The following PDE4D variants were observed in gnomAD, a reference collection of about 807,000 sequenced individuals.
The protein encoded by PDE4D is 3',5'-cyclic-AMP phosphodiesterase 4D.
PDE4D carries 24 observed loss-of-function variants against 87.4 expected under a neutral mutation model. The observed-to-expected ratio is 0.27, with a 90% CI of 0.20 to 0.39. The LOEUF (loss-of-function observed/expected upper bound fraction) is 0.39, where lower values mean the gene tolerates loss of function less well. PDE4D is among the 10% of genes least tolerant of loss of function. PDE4D has a pLI of 1.00. For missense variants in PDE4D, 714 were observed against 1,041.0 expected (o/e 0.69, Z 4.32); for synonymous variants, 384 against 383.2 (o/e 1.00, Z -0.02).
At chr5:60,475,501 G>A (rs773084900) in intron 1 of PDE4D, among the ~76,000 whole-genome samples, 5 of 152,078 alleles carry the variant, frequency 3.3e-5, no homozygotes, top group African/African-American at 4.8e-5. Context: ...ATCCTATGAC[G>A]AAAATGGCTT....
chr5:60,216,179 T>C (rs991863146), intron 1 of PDE4D, among the ~76,000 whole-genome samples: 7 of 152,118 alleles, frequency 4.6e-5, no homozygotes, highest in Non-Finnish European at 1.0e-4. Context: ...ACCTTTGGCC[T>C]TAAAACCCCA....
intron 1 of PDE4D, among the ~76,000 whole-genome samples, chr5:59,680,743 A>G (rs1018658850): frequency 6.6e-6 from 1 of 152,072 alleles, no homozygotes; most frequent in African/African-American, 2.4e-5. Flanking sequence ...AATTTTTGAA[A>G]CCACATTCCA....
At chr5:59,134,972 A>G (rs1479901471) in intron 5 of PDE4D, among the ~76,000 whole-genome samples, 1 of 152,220 alleles carries the variant, frequency 6.6e-6, no homozygotes, top group Non-Finnish European at 1.5e-5. Flanking sequence ...GGTTTGTGGC[A>G]TATTTTAATA....
intron 1 of PDE4D, among the ~76,000 whole-genome samples, chr5:59,741,899 G>C (rs1758894221): frequency 6.6e-6 from 1 of 152,116 alleles, no homozygotes; most frequent in African/African-American, 2.4e-5. Context: ...TTCATAATCT[G>C]AATGGGCTTT....
At chr5:59,639,978 G>A (rs538196858) in intron 1 of PDE4D, among the ~76,000 whole-genome samples, 95 of 151,308 alleles carry the variant, frequency 6.3e-4, no homozygotes, top group Non-Finnish European at 7.5e-4. Flanking sequence ...TTAAAGAAGA[G>A]CTTTTGTCTT....
At chr5:59,839,891 A>G (rs1179108688) in intron 1 of PDE4D, among the ~76,000 whole-genome samples, 1 of 152,052 alleles carries the variant, frequency 6.6e-6, no homozygotes, top group African/African-American at 2.4e-5. Flanking sequence ...CAGTCAGGCT[A>G]TATGTGTAGC....
Position 59,248,085 on chromosome 5 carries a change from A to G in PDE4D, c.456-32117T>C, listed in dbSNP as rs373149467. Among the ~76,000 whole-genome samples the G allele has an allele frequency of 7.7e-5, 11 of 143,346 alleles. No homozygotes were observed. In the South Asian group the frequency reaches 2.6e-3, roughly 33 times the overall value. 94.0% of individuals were successfully genotyped at this position (143,346 alleles called of 152,430 possible). A position where few individuals can be genotyped will look rare whatever the true frequency, so the allele number is the denominator to read the frequency against. ...AAAAAAAAAAAGTGCAAGCACCTCC[A>G]TTACGTATATTTATTTTCAATAAGT... On this transcript the variant is annotated intron_variant, in intron 1 of 14. Coordinates refer to ENST00000340635, the MANE Select transcript of PDE4D (RefSeq NM_001104631.2).
chr5:59,243,163 A>C (rs147261436), intron 1 of PDE4D, among the ~76,000 whole-genome samples: 1 of 152,274 alleles, frequency 6.6e-6, no homozygotes, highest in East Asian at 1.9e-4. Flanking sequence ...ATATATCACA[A>C]CATTAAAGAG....
intron 1 of PDE4D, among the ~76,000 whole-genome samples, chr5:59,253,769 A>G (rs1760440646): frequency 6.6e-6 from 1 of 152,124 alleles, no homozygotes; most frequent in Admixed American, 6.6e-5. Flanking sequence ...ATTAAAAAGG[A>G]TATTAAATTA....
intron 2 of PDE4D, among the ~76,000 whole-genome samples, chr5:60,158,820 C>G (rs1289499969): frequency 1.3e-5 from 2 of 152,142 alleles, no homozygotes; most frequent in Non-Finnish European, 2.9e-5. Flanking sequence ...CCGCCCGCCT[C>G]GGCCTCCCAA....
chr5:59,141,093 G>A (rs6869149), intron 5 of PDE4D, among the ~76,000 whole-genome samples: 35,442 of 152,136 alleles, frequency 0.23, 4,387 homozygotes, highest in African/African-American at 0.28. Context: ...AGAAGAAAAT[G>A]TAAACTAAAT....
rs757456245 is a variant in PDE4D, at chr5:59,047,213, T to G, written c.809-8242A>C. 5.8e-4 allele frequency among the ~76,000 whole-genome samples: 88 copies of G among 152,304 alleles called. 2 individuals carry two copies. The Middle Eastern group carries it at 0.031, about 53-fold the overall frequency. ...GAGCCTATCAACTAATACCTAGGTA[T>G]AACCTCGGGGTCCAGAAACTTAATA... On this transcript the variant is annotated intron_variant, in intron 5 of 14. Coordinates refer to ENST00000340635, the MANE Select transcript of PDE4D (RefSeq NM_001104631.2).
chr5:59,436,747 C>A (rs1458524616), intron 1 of PDE4D, among the ~76,000 whole-genome samples: 1 of 152,062 alleles, frequency 6.6e-6, no homozygotes, highest in Non-Finnish European at 1.5e-5. Context: ...CTTTATTCTC[C>A]AGCTAATGGA....
intron 1 of PDE4D, among the ~76,000 whole-genome samples, chr5:59,854,671 A>G (rs1396287714): frequency 6.6e-6 from 1 of 152,132 alleles, no homozygotes; most frequent in African/African-American, 2.4e-5. Flanking sequence ...ATGTGAGATT[A>G]GAATCTCACT....
chr5:59,987,181 TAC>T (rs1390324591), intron 3 of PDE4D: 4 of 152,194 alleles, frequency 2.6e-5, no homozygotes, highest in African/African-American at 9.7e-5. Context: ...GAATCTCTTC[TAC>T]ACAGAATGAA....
intron 1 of PDE4D, among the ~76,000 whole-genome samples, chr5:59,620,768 C>T (rs1272742328): frequency 1.3e-5 from 2 of 152,122 alleles, no homozygotes; most frequent in Non-Finnish European, 2.9e-5. Flanking sequence ...TTTTGTCTAA[C>T]TGAATTTTGA....
chr5:59,027,475 T>G (rs962399016), intron 6 of PDE4D, among the ~76,000 whole-genome samples: 1 of 152,192 alleles, frequency 6.6e-6, no homozygotes, highest in Admixed American at 6.5e-5. Context: ...CTATAGAAGT[T>G]ATTGGGAATT....
In PDE4D at chr5:60,343,890, C is replaced by A. The variant is rs114548241; in HGVS notation, c.-90+144052G>T. ...CTAATATTCGGGTTGTTTAATGACC[C>A]CATTTGGCTTTTCAGCTCTTCCCTC... On this transcript the variant is annotated intron_variant, in intron 1 of 16. Transcript: ENST00000502484. Among the ~76,000 whole-genome samples the A allele has an allele frequency of 2.8e-3, 426 of 152,086 alleles. 4 individuals are homozygous for A. Among genetic ancestry groups the A allele is most frequent in the Admixed American group, 0.013 (193 of 15,254 alleles).
chr5:59,498,610 A>T (rs144416749), intron 1 of PDE4D, among the ~76,000 whole-genome samples: 4 of 152,050 alleles, frequency 2.6e-5, no homozygotes, highest in Non-Finnish European at 5.9e-5. Context: ...TAGGAAACAA[A>T]AAAAGAACAA....
Sources: allele counts gnomAD v4.1 joint callset (sites outside exome capture counted in the v4.1 genomes callset), GRCh38; gene constraint gnomAD v4.1.1; transcripts MANE v1.5; gene names NCBI Gene and HGNC (gene_info 2026-07-23, HGNC 2026-07-21).